The following KALRN variants were observed in gnomAD, a reference collection of about 807,000 sequenced individuals.
KALRN encodes kalirin RhoGEF kinase.
In KALRN, 70 loss-of-function variants were observed where a neutral mutation model predicts 353.7. The observed-to-expected ratio is 0.20, with a 90% CI of 0.16 to 0.24. The LOEUF is 0.24. KALRN is among the 10% of genes least tolerant of loss of function. The probability of loss-of-function intolerance (pLI) is 1.00; values close to 1 mark genes in which losing one functional copy is unlikely to be tolerated. For missense variants in KALRN, 2,791 were observed against 3,756.7 expected (o/e 0.74, Z 6.72); for synonymous variants, 1,391 against 1,434.8 (o/e 0.97, Z 0.69).
At chr3:124,303,456 C>T (rs2077424241) in intron 6 of KALRN, among the ~76,000 whole-genome samples, 1 of 152,092 alleles carries the variant, frequency 6.6e-6, no homozygotes, top group Admixed American at 6.5e-5. Flanking sequence ...ATTTTCCTTC[C>T]CCTGATTGTG....
At chr3:124,305,902 A>G (rs2077653055) in intron 6 of KALRN, among the ~76,000 whole-genome samples, 1 of 152,178 alleles carries the variant, frequency 6.6e-6, no homozygotes, top group Non-Finnish European at 1.5e-5. Context: ...TAGAAAAAAA[A>G]TAAAAAACAG....
intron 29 of KALRN, among the ~76,000 whole-genome samples, chr3:124,489,676 C>G (rs1457312563): frequency 2.0e-5 from 3 of 152,210 alleles, no homozygotes; most frequent in African/African-American, 7.2e-5. Flanking sequence ...TCCAGTCTGT[C>G]CCTGACCTAT....
intron 1 of KALRN, among the ~76,000 whole-genome samples, chr3:124,038,592 T>C (rs899841579): frequency 2.0e-5 from 3 of 152,158 alleles, no homozygotes; most frequent in Non-Finnish European, 4.4e-5. Flanking sequence ...GAAACCTTTT[T>C]CTTTAAGGTG....
intron 6 of KALRN, among the ~76,000 whole-genome samples, chr3:124,314,315 A>G (rs1349374762): frequency 8.1e-6 from 1 of 123,604 alleles, no homozygotes; most frequent in East Asian, 2.7e-4. Flanking sequence ...ACACTTGGAC[A>G]TAGGTTGGGG....
chr3:124,525,293 T>C (rs2067492879), intron 33 of KALRN, among the ~76,000 whole-genome samples: 2 of 152,158 alleles, frequency 1.3e-5, no homozygotes, highest in Admixed American at 6.5e-5. Flanking sequence ...GTTTCTGGGA[T>C]GGTGGAATAA....
intron 33 of KALRN, among the ~76,000 whole-genome samples, chr3:124,514,052 G>C (rs2066259587): frequency 6.6e-6 from 1 of 152,180 alleles, no homozygotes; most frequent in Non-Finnish European, 1.5e-5. Flanking sequence ...GAGCTGACCT[G>C]AAAGTGTGTT....
intron 33 of KALRN, among the ~76,000 whole-genome samples, chr3:124,515,072 A>G (rs1285241583): frequency 4.6e-5 from 7 of 152,236 alleles, no homozygotes; most frequent in African/African-American, 1.7e-4. Context: ...TTGAAAATCT[A>G]TTGCAAAATA....
intron 5 of KALRN, among the ~76,000 whole-genome samples, chr3:124,285,406 C>T (rs1474736656): frequency 6.6e-6 from 1 of 152,166 alleles, no homozygotes; most frequent in African/African-American, 2.4e-5. Flanking sequence ...GTATAGTATA[C>T]ACTATTATGG....
rs925961670 is a variant in KALRN, at chr3:124,524,738, T to G, written c.4935+28325T>G. Among the ~76,000 whole-genome samples, 17 of 152,212 alleles carry G rather than the reference T, an allele frequency of 1.1e-4. No individual in the cohort carries two copies. The East Asian group carries it at 1.2e-3, about 10-fold the overall frequency. On this transcript the variant is annotated intron_variant, in intron 33 of 59. Transcript: ENST00000682506. ...GTGCATATAGGTACACAAATACATA[T>G]GCACAGGAAATGTGTCAAAGGCCAG... is the stretch of plus-strand genomic sequence containing the variant.
chr3:124,188,388 C>A (rs774958439), intron 1 of KALRN, among the ~76,000 whole-genome samples: 1 of 152,194 alleles, frequency 6.6e-6, no homozygotes, highest in African/African-American at 2.4e-5. Context: ...AGGAGAGAAG[C>A]TCTGTAGGGA....
intron 1 of KALRN, among the ~76,000 whole-genome samples, chr3:124,187,651 CAAGGTGCACATGGATTG>C (rs551092206): frequency 9.9e-5 from 15 of 152,114 alleles, no homozygotes; most frequent in Non-Finnish European, 1.5e-4. Flanking sequence ...GTATCTTTAG[CAAGGTGCACATGGATTG>C]ATGGATAGAT....
Position 124,667,036 on chromosome 3 carries a change from A to G in KALRN, c.6556A>G (p.Asn2186Asp), listed in dbSNP as rs749616690. 4.3e-6 allele frequency: 7 copies of G among 1,611,696 alleles called. No homozygotes were observed. The highest frequency in any genetic ancestry group is 4.0e-5 in the African/African-American group (3 of 74,872). ...IKMNYLVLEE[N>D]VDNDPCKFAL... ...GATGAATTACTTGGTCCTGGAGGAGAATGTGGACAATGATCCCTGCAAGTT... is the reference window on the plus strand; with the variant it reads ...GATGAATTACTTGGTCCTGGAGGAGGATGTGGACAATGATCCCTGCAAGTT... The change falls in exon 47 of 60, where the codon AAT becomes GAT. Residue 2186 changes from asparagine (N) to aspartate (D), a missense_variant. Asn to Asp is a conservative substitution (Grantham distance 23). Transcript: ENST00000682506.
At chr3:124,546,743 C>A (rs1370655886) in intron 33 of KALRN, among the ~76,000 whole-genome samples, 1 of 152,072 alleles carries the variant, frequency 6.6e-6, no homozygotes, top group East Asian at 1.9e-4. Flanking sequence ...TTGTAGGTCT[C>A]AGAGTCTAGT....
intron 1 of KALRN, among the ~76,000 whole-genome samples, chr3:124,123,405 A>G (rs933933095): frequency 2.6e-5 from 4 of 152,228 alleles, no homozygotes; most frequent in Middle Eastern, 3.2e-3. Context: ...CCTTTAAACC[A>G]AAGCCTAATC....
At chr3:124,281,489 T>C (rs1293400146) in intron 5 of KALRN, among the ~76,000 whole-genome samples, 1 of 152,230 alleles carries the variant, frequency 6.6e-6, no homozygotes, top group Non-Finnish European at 1.5e-5. Flanking sequence ...CATTCTCTTC[T>C]GTGCTTTGCA....
chr3:124,642,427 C>G (rs1472649732), intron 37 of KALRN, among the ~76,000 whole-genome samples: 1 of 152,174 alleles, frequency 6.6e-6, no homozygotes, highest in Non-Finnish European at 1.5e-5. Context: ...TAATAATCCT[C>G]TGCCTTTAGG....
At chr3:124,623,399 T>TACACACACACACACACACACACACAC (rs372330681) in intron 34 of KALRN, among the ~76,000 whole-genome samples, 5,764 of 136,158 alleles carry the variant, frequency 0.042, 172 homozygotes, top group Admixed American at 0.075. Context: ...TATTTATTTA[T>TACACACACACACACACACACACACAC]ACACACACAC....
chr3:124,352,683 T>C (rs931095129), intron 10 of KALRN, among the ~76,000 whole-genome samples: 2 of 151,888 alleles, frequency 1.3e-5, no homozygotes, highest in Non-Finnish European at 2.9e-5. Flanking sequence ...TGTTTTGTTT[T>C]TTTTTTTATC....
intron 48 of KALRN, among the ~76,000 whole-genome samples, chr3:124,672,368 T>A (rs962044553): frequency 6.6e-6 from 1 of 152,240 alleles, no homozygotes; most frequent in African/African-American, 2.4e-5. Context: ...CAGTTCCCTG[T>A]GGCATAAATC....
Sources: gnomAD v4.1 joint callset for allele counts (sites outside exome capture counted in the v4.1 genomes callset) on GRCh38, gnomAD v4.1.1 for gene constraint, MANE v1.5 for transcripts, NCBI Gene and HGNC (gene_info 2026-07-23, HGNC 2026-07-21) for gene names.